The following EIF5B variants were observed in gnomAD, a reference collection of about 807,000 sequenced individuals.
The protein encoded by EIF5B is eIF-5B.
EIF5B carries 47 observed loss-of-function variants against 147.5 expected under a neutral mutation model. The observed-to-expected ratio is 0.32, with a 90% CI of 0.25 to 0.41. The LOEUF (loss-of-function observed/expected upper bound fraction) is 0.41. Among genes scored for constraint, EIF5B ranks in the 10% least tolerant of loss-of-function variants. The pLI, the probability that EIF5B is intolerant of heterozygous loss-of-function variation, is 1.00. For missense variants in EIF5B, 1,064 were observed against 1,413.2 expected, an observed-to-expected ratio of 0.75 and a Z score of 3.96; for synonymous variants, 455 against 456.2, an observed-to-expected ratio of 1.00 and a Z score of 0.03.
chr2:99,371,450 C>T (rs1402416911), intron 8 of EIF5B, among the ~76,000 whole-genome samples: 2 of 149,510 alleles, frequency 1.3e-5, no homozygotes, highest in East Asian at 2.0e-4. Context: ...ATCACGCCAC[C>T]GCACTCCAGC....
At chr2:99,374,902 C>T (rs1343341258) in intron 9 of EIF5B, among the ~76,000 whole-genome samples, 1 of 152,002 alleles carries the variant, frequency 6.6e-6, no homozygotes, top group South Asian at 2.1e-4. Flanking sequence ...CTGTATTTTC[C>T]ACCTAGTGAG....
chr2:99,378,068 G>C (rs984253449), intron 10 of EIF5B, among the ~76,000 whole-genome samples: 1 of 152,064 alleles, frequency 6.6e-6, no homozygotes, highest in Non-Finnish European at 1.5e-5. Context: ...TGAGGTTGTC[G>C]GGTACTACTC....
At position 99,337,674 on chromosome 2, in the gene EIF5B, G is replaced by C. The variant is rs2094246258; in HGVS notation, c.35+85G>C. 6 of 1,491,824 alleles carry C rather than the reference G, an allele frequency of 4.0e-6. No homozygotes were observed. In the Admixed American group the frequency reaches 8.6e-5, roughly 21 times the overall value. 92.4% of individuals were successfully genotyped at this position (1,491,824 alleles called of 1,614,324 possible). On this transcript the variant is annotated intron_variant, in intron 1 of 23. Coordinates refer to ENST00000289371, the MANE Select transcript of EIF5B (RefSeq NM_015904.4). ...CTCGCCGGGCGCGGCGTCGGACCGG[G>C]GTCTGGGCTCGCGATGAGCTTCGCG... is the stretch of plus-strand genomic sequence containing the variant.
Position 99,360,333 on chromosome 2 carries a change from A to G in EIF5B, c.133A>G (p.Lys45Glu), listed in dbSNP as rs758670640. The change falls in exon 2 of 24, where the codon AAA becomes GAA. Residue 45 changes from lysine to glutamate, a missense_variant. Coordinates refer to ENST00000289371, the MANE Select transcript of EIF5B (RefSeq NM_015904.4). ...GCCTCAAAAGTCAAAAGGGAAAAAG[A>G]AAAAAGAGAAAAAAAAGCAGGACTT... ...QEPQKSKGKK[K>E]KEKKKQDFDE... 6.2e-7 allele frequency: 1 copy of G among 1,608,338 alleles called. No individual in the cohort carries two copies. Among genetic ancestry groups the G allele is most frequent in the South Asian group, 1.1e-5 (1 of 89,782 alleles).
At chr2:99,386,468 C>CGCGCGTGTGTGTGTGTGTGT (rs1191263656) in intron 14 of EIF5B, among the ~76,000 whole-genome samples, 1 of 142,414 alleles carries the variant, frequency 7.0e-6, no homozygotes, top group African/African-American at 2.6e-5. Context: ...TTTTGTTTTG[C>CGCGCGTGTGTGTGTGTGTGT]GTGTGTGTGT....
At chr2:99,360,654 A>G (rs1674190165) in intron 3 of EIF5B, 105 bp downstream of exon 3, 3 of 1,022,514 alleles carry the variant, frequency 2.9e-6, no homozygotes, top group Admixed American at 6.6e-5. Flanking sequence ...AGTGTACAAT[A>G]TGTTATTTAA....
chr2:99,359,845 G>A (rs1674170818), intron 1 of EIF5B, among the ~76,000 whole-genome samples: 1 of 152,102 alleles, frequency 6.6e-6, no homozygotes, highest in Non-Finnish European at 1.5e-5. Flanking sequence ...AAATGCACAG[G>A]GATCCAAATA....
rs763504284 is a variant in EIF5B, at chr2:99,390,646, A to G, written c.2689A>G (p.Ile897Val). ...CATTGTTCCTGGAGTAGAAGGGCCC[A>G]TTGTAACTCAGATTCGAGGCCTCCT... ...TIIVPGVEGP[I>V]VTQIRGLLLP... The change falls in exon 17 of 24, where the codon ATT becomes GTT. Residue 897 changes from isoleucine (I) to valine (V), a missense_variant. Coordinates refer to ENST00000289371, the MANE Select transcript of EIF5B (RefSeq NM_015904.4). The G allele has an allele frequency of 5.6e-6, 9 of 1,612,214 alleles. No homozygotes were observed. Among genetic ancestry groups the G allele is most frequent in the South Asian group, 1.1e-5 (1 of 91,046 alleles).
chr2:99,389,701 T>C lies in EIF5B; in HGVS notation c.2272-17T>C. On this transcript the variant is annotated splice_polypyrimidine_tract_variant and intron_variant, in intron 14 of 23. Transcript: ENST00000289371. ...CTGAATTTTTTAGAGATCTTTCTCA[T>C]GAAAAAACTTTTTCAGATTGATAGG... 2 of 1,580,484 alleles carry C rather than the reference T, an allele frequency of 1.3e-6. No homozygotes were observed. Among genetic ancestry groups the C allele is most frequent in the Non-Finnish European group, 1.7e-6 (2 of 1,171,016 alleles).
chr2:99,373,191 G>C (rs1272068970), intron 9 of EIF5B, among the ~76,000 whole-genome samples: 1 of 152,114 alleles, frequency 6.6e-6, no homozygotes, highest in Non-Finnish European at 1.5e-5. Context: ...CTATCTTTAT[G>C]ACTCTTTTTG....
intron 9 of EIF5B, among the ~76,000 whole-genome samples, chr2:99,372,313 G>A (rs1185806623): frequency 1.3e-5 from 2 of 151,934 alleles, no homozygotes; most frequent in Non-Finnish European, 2.9e-5. Context: ...TCATTTTGAT[G>A]TATTAAGTTT....
chr2:99,368,389 A>T, intron 6 of EIF5B, 104 bp from the exon 7 acceptor site: 1 of 782,068 alleles, frequency 1.3e-6, no homozygotes, highest in Non-Finnish European at 2.1e-6. Flanking sequence ...TTCATATTTT[A>T]GGGTATGTGT....
At chr2:99,384,239 A>AATGG (rs1337800463) in intron 14 of EIF5B, among the ~76,000 whole-genome samples, 2 of 151,850 alleles carry the variant, frequency 1.3e-5, no homozygotes, top group African/African-American at 2.4e-5. Context: ...GTGCTTTATA[A>AATGG]ATGGAAATAT....
At position 99,392,945 on chromosome 2, in the gene EIF5B, A is replaced by G. The variant is rs1674966900; in HGVS notation, c.2749-22A>G. The G allele has an allele frequency of 8.4e-6, 12 of 1,420,558 alleles. No individual in the cohort carries two copies. In the Admixed American group the frequency reaches 3.2e-4, roughly 38 times the overall value. 88.0% of individuals were successfully genotyped at this position (1,420,558 alleles called of 1,614,324 possible). ...AACCACTTTTAAAGTACATTTGGTAACAAATGTTTTTATCTCTGTAGAACC... is the reference window on the plus strand; with the variant it reads ...AACCACTTTTAAAGTACATTTGGTAGCAAATGTTTTTATCTCTGTAGAACC... On this transcript the variant is annotated intron_variant, in intron 17 of 23. Transcript: ENST00000289371.
intron 1 of EIF5B, among the ~76,000 whole-genome samples, chr2:99,350,013 G>T (rs1673894080): frequency 6.6e-6 from 1 of 151,968 alleles, no homozygotes. Flanking sequence ...AACTTTTTTT[G>T]ATTCCACATA....
rs568969398 is a variant in EIF5B, at chr2:99,390,163, C to T, written c.2404-56C>T. On this transcript the variant is annotated intron_variant, in intron 15 of 23. Coordinates refer to ENST00000289371, the MANE Select transcript of EIF5B (RefSeq NM_015904.4). ...TCATCCGGCTTCTAGTGAGGCACACCTATTCCAGATACGTTTTCTTTACAG... is the reference window on the plus strand; with the variant it reads ...TCATCCGGCTTCTAGTGAGGCACACTTATTCCAGATACGTTTTCTTTACAG... 6.9e-4 allele frequency: 1,097 copies of T among 1,598,844 alleles called. 21 individuals carry two copies. In the South Asian group the frequency reaches 0.011, roughly 17 times the overall value.
intron 1 of EIF5B, among the ~76,000 whole-genome samples, chr2:99,339,418 T>C (rs2094253920): frequency 6.6e-6 from 1 of 152,198 alleles, no homozygotes; most frequent in Admixed American, 6.5e-5. Flanking sequence ...CATTAGCAAA[T>C]ATTCAGTCAG....
chr2:99,363,224 C>T lies in EIF5B; in HGVS notation c.920-421C>T, dbSNP rs562963055. ...CTAAAGTGGACATCATTCTCATTAA[C>T]TCCATCTTGTAGAAGTGAAATTAGC... On this transcript the variant is annotated intron_variant, in intron 4 of 23. Transcript: ENST00000289371. 2.0e-5 allele frequency among the ~76,000 whole-genome samples: 3 copies of T among 152,308 alleles called. No homozygotes were observed. In the South Asian group the frequency reaches 6.2e-4, roughly 32 times the overall value.
intron 1 of EIF5B, among the ~76,000 whole-genome samples, chr2:99,357,908 A>G (rs1317923160): frequency 6.6e-6 from 1 of 152,064 alleles, no homozygotes; most frequent in African/African-American, 2.4e-5. Flanking sequence ...TGTTGATTCT[A>G]TTCCCTTAAT....
Sources: allele counts gnomAD v4.1 joint callset (sites outside exome capture counted in the v4.1 genomes callset), GRCh38; gene constraint gnomAD v4.1.1; transcripts MANE v1.5; gene names NCBI Gene and HGNC (gene_info 2026-07-23, HGNC 2026-07-21).